Variants in SLC2A9 observed in about 807,000 individuals in gnomAD.
The protein encoded by SLC2A9 is solute carrier family 2 member 9.
In SLC2A9, 39 loss-of-function variants were observed where a neutral mutation model predicts 50.6. The observed-to-expected ratio is 0.77, with a 90% CI of 0.60 to 1.01. The LOEUF (loss-of-function observed/expected upper bound fraction) is 1.01. Ranked by LOEUF, SLC2A9 falls within the 50% of genes least tolerant of loss-of-function variation. The pLI, the probability that SLC2A9 is intolerant of heterozygous loss-of-function variation, is 0.00. For missense variants in SLC2A9, 686 were observed against 677.6 expected, an observed-to-expected ratio of 1.01 and a Z score of -0.14; for synonymous variants, 324 against 276.9, an observed-to-expected ratio of 1.17 and a Z score of -1.69.
chr4:9,827,816 A>G (rs1725389829), intron 11 of SLC2A9, among the ~76,000 whole-genome samples: 1 of 152,156 alleles, frequency 6.6e-6, no homozygotes, highest in Non-Finnish European at 1.5e-5. Flanking sequence ...GGGGGAGAGT[A>G]TGGGCTCTGA....
Position 9,985,786 on chromosome 4 carries a change from T to G in SLC2A9, c.418A>C (p.Thr140Pro), listed in dbSNP as rs781252911. 1 of 1,613,970 alleles carries G rather than the reference T, an allele frequency of 6.2e-7. No individual in the cohort carries two copies. Among genetic ancestry groups the G allele is most frequent in the Admixed American group, 1.7e-5 (1 of 60,016 alleles). ...GCAAACCCATTATTGGCCAGCAAAG[T>G]GTGCTTCCTGGAAAGAAAGGAAAGA... ...MIGKVLGRKHTLLANNGFAIS... is the reference protein window; with the variant it reads ...MIGKVLGRKHPLLANNGFAIS... Residue 140 changes from threonine to proline, a missense_variant, in exon 4 of 12, where the codon ACT becomes CCT. By Grantham distance (38) the Thr-to-Pro change is conservative. Coordinates refer to ENST00000264784, the MANE Select transcript of SLC2A9 (RefSeq NM_020041.3).
chr4:9,919,585 G>A (rs1368356216), intron 7 of SLC2A9, among the ~76,000 whole-genome samples: 7 of 152,090 alleles, frequency 4.6e-5, no homozygotes, highest in East Asian at 1.9e-4. Context: ...GGGTGCTGGC[G>A]GGTGCCCCTT....
intron 8 of SLC2A9, among the ~76,000 whole-genome samples, chr4:9,902,208 C>T (rs1474762116): frequency 1.3e-5 from 2 of 152,196 alleles, no homozygotes; most frequent in African/African-American, 4.8e-5. Flanking sequence ...TTTCTCATAA[C>T]ATCCTTCACC....
chr4:9,775,994 G>T (rs1470795848), downstream of SLC2A9, among the ~76,000 whole-genome samples: 1 of 151,976 alleles, frequency 6.6e-6, no homozygotes, highest in Non-Finnish European at 1.5e-5. Flanking sequence ...TCAGATCTGT[G>T]GTTCACATCA....
intron 2 of SLC2A9, among the ~76,000 whole-genome samples, chr4:10,010,975 C>G (rs1368261918): frequency 1.3e-5 from 2 of 152,154 alleles, no homozygotes; most frequent in African/African-American, 4.8e-5. Flanking sequence ...ATGTGGGATC[C>G]TCCTACAATC....
upstream of SLC2A9, among the ~76,000 whole-genome samples, chr4:10,024,006 A>C (rs886346960): frequency 2.6e-5 from 4 of 152,200 alleles, no homozygotes; most frequent in African/African-American, 9.7e-5. Flanking sequence ...TGGTTCCTTC[A>C]TTCAGTCATT....
chr4:9,952,226 A>G (rs1029054835), intron 5 of SLC2A9, among the ~76,000 whole-genome samples: 15 of 152,210 alleles, frequency 9.9e-5, no homozygotes, highest in African/African-American at 3.4e-4. Context: ...TCCCTGCCAA[A>G]TATCATGTTG....
intron 3 of SLC2A9, among the ~76,000 whole-genome samples, chr4:9,785,159 C>T (rs199888848): frequency 1.3e-5 from 2 of 152,168 alleles, no homozygotes; most frequent in Admixed American, 6.5e-5. Context: ...TTCAGGAGAT[C>T]GTCGCATGAC....
chr4:9,941,957 C>T lies in SLC2A9; in HGVS notation c.770G>A (p.Arg257His), dbSNP rs367643471. The change falls in exon 6 of 12, where the codon CGC (arginine) becomes CAC (histidine). Residue 257 changes from arginine to histidine, a missense_variant. By Grantham distance (29) the Arg-to-His change is conservative. Coordinates refer to ENST00000264784, the MANE Select transcript of SLC2A9 (RefSeq NM_020041.3). ...LSLPFLPDSP[R>H]YLLLEKHNEA... ...GTTGTGCTTCTCCAAGAGCAGGTAG[C>T]GTGGGCTGTCCGGGAGAAAGGGAAG... 25 of 1,614,030 alleles carry T rather than the reference C, an allele frequency of 1.5e-5. No homozygotes were observed. Among genetic ancestry groups the T allele is most frequent in the African/African-American group, 1.2e-4 (9 of 74,912 alleles).
In SLC2A9 at chr4:10,013,626, C is replaced by T. The variant is rs534571367; in HGVS notation, c.249+5349G>A. Among the ~76,000 whole-genome samples the T allele has an allele frequency of 3.9e-5, 6 of 152,276 alleles. No homozygotes were observed. The East Asian group carries it at 5.8e-4, about 15-fold the overall frequency. ...CAAGTGCAGAGCTGGTGCCCAGAGG[C>T]GAGTTATTTTCATTTTCGGCATTAC... is the stretch of plus-strand genomic sequence containing the variant. On this transcript the variant is annotated intron_variant, in intron 2 of 11. Coordinates refer to ENST00000264784, the MANE Select transcript of SLC2A9 (RefSeq NM_020041.3).
Position 9,771,399 on chromosome 4 carries a change from G to T in SLC2A9, n.182-30C>A, listed in dbSNP as rs571930994. ...AGAAGGAGAGAGGGTGTAGAGTCAT[G>T]CCAGTTCTTAGGTGCTCCTGACAAG... is the stretch of plus-strand genomic sequence containing the variant. On this transcript the variant is annotated intron_variant and non_coding_transcript_variant, in intron 1 of 1. Transcript: ENST00000508585. The T allele has an allele frequency of 7.5e-6, 3 of 398,174 alleles. No individual in the cohort carries two copies. The East Asian group carries it at 1.1e-4, about 14-fold the overall frequency. 24.7% of individuals were successfully genotyped at this position (398,174 alleles called of 1,614,324 possible). A position where few individuals can be genotyped will look rare whatever the true frequency, so the allele number is the denominator to read the frequency against.
downstream of SLC2A9, chr4:9,826,109 G>A (rs1725085839): frequency 2.5e-6 from 1 of 400,636 alleles, no homozygotes; most frequent in Non-Finnish European, 4.5e-6. Context: ...GAAGAAGGCA[G>A]GTCATCTACC....
upstream of SLC2A9, among the ~76,000 whole-genome samples, chr4:10,026,160 T>C (rs1234300453): frequency 6.6e-6 from 1 of 152,198 alleles, no homozygotes; most frequent in Non-Finnish European, 1.5e-5. Context: ...CGCTTGGGCA[T>C]CTCCCTGCTC....
rs143424645 is a variant in SLC2A9, at chr4:9,826,916, G to T, written c.1420-316C>A. ...GAATGCTTGCTGAATATTAGCTTAA[G>T]CTTATATTTACAATTAACCACATTG... On this transcript the variant is annotated intron_variant, in intron 11 of 11. Coordinates refer to ENST00000264784, the MANE Select transcript of SLC2A9 (RefSeq NM_020041.3). Among the ~76,000 whole-genome samples, 19 of 152,276 alleles carry T rather than the reference G, an allele frequency of 1.2e-4. No individual in the cohort carries two copies. The East Asian group carries it at 3.7e-3, about 29-fold the overall frequency.
intron 2 of SLC2A9, among the ~76,000 whole-genome samples, chr4:10,002,288 T>C (rs149390450): frequency 0.014 from 2,103 of 152,336 alleles, 22 homozygotes; most frequent in Middle Eastern, 0.054. Context: ...TCCTTACAAC[T>C]ATGGAAATAC....
chr4:9,886,696 C>T (rs971546332), intron 10 of SLC2A9, among the ~76,000 whole-genome samples: 1 of 152,076 alleles, frequency 6.6e-6, no homozygotes, highest in Non-Finnish European at 1.5e-5. Flanking sequence ...CTGTTTGCAT[C>T]CACCAAGAAA....
chr4:9,773,243 A>ACCTGCC (rs1717083266), intron 1 of SLC2A9, among the ~76,000 whole-genome samples: 1 of 152,010 alleles, frequency 6.6e-6, no homozygotes, highest in Non-Finnish European at 1.5e-5. Context: ...GGGCCTTTCC[A>ACCTGCC]CCTGCCCCTC....
chr4:9,919,069 A>G (rs1743426086), intron 7 of SLC2A9, among the ~76,000 whole-genome samples: 1 of 152,146 alleles, frequency 6.6e-6, no homozygotes, highest in Non-Finnish European at 1.5e-5. Flanking sequence ...CTCAGTGTAA[A>G]TGCCTCATTC....
chr4:10,018,589 T>TAAAC (rs765181744), intron 2 of SLC2A9, among the ~76,000 whole-genome samples: 123 of 151,134 alleles, frequency 8.1e-4, no homozygotes, highest in African/African-American at 2.4e-3. Context: ...GATAGATAGA[T>TAAAC]AACAACAACA....
Sources: allele counts gnomAD v4.1 joint callset (sites outside exome capture counted in the v4.1 genomes callset), GRCh38; gene constraint gnomAD v4.1.1; transcripts MANE v1.5; gene names NCBI Gene and HGNC (gene_info 2026-07-23, HGNC 2026-07-21).